Variants in PXDNL observed in about 807,000 individuals in gnomAD.
PXDNL encodes the protein peroxidasin like.
PXDNL carries 145 observed loss-of-function variants against 150.8 expected under a neutral mutation model. The observed-to-expected ratio is 0.96, with a 90% CI of 0.84 to 1.10. The LOEUF (loss-of-function observed/expected upper bound fraction) is 1.10, where lower values mean the gene tolerates loss of function less well. PXDNL is among the 50% of genes least tolerant of loss of function. The pLI is 0.00. For synonymous variants in PXDNL, 757 were observed against 725.7 expected, an observed-to-expected ratio of 1.04 and a Z score of -0.69; for missense variants, 2,087 against 1,873.9, an observed-to-expected ratio of 1.11 and a Z score of -2.10.
At chr8:51,389,499 A>G (rs948078260) in intron 17 of PXDNL, among the ~76,000 whole-genome samples, 1 of 152,174 alleles carries the variant, frequency 6.6e-6, no homozygotes, top group Non-Finnish European at 1.5e-5. Context: ...GGCTTTCTGC[A>G]GAGAACTCTG....
At chr8:51,521,101 G>A (rs75123857) in intron 4 of PXDNL, among the ~76,000 whole-genome samples, 2,888 of 152,152 alleles carry the variant, frequency 0.019, 85 homozygotes, top group African/African-American at 0.065. Flanking sequence ...ATATTAGCCA[G>A]GCATTGTATT....
At chr8:51,700,547 C>T (rs4873576) in intron 1 of PXDNL, among the ~76,000 whole-genome samples, 128,424 of 151,502 alleles carry the variant, frequency 0.85, 54,790 homozygotes, top group African/African-American at 0.95. Context: ...AATACACAAA[C>T]ATACATACAT....
chr8:51,475,506 G>A (rs952839622), intron 6 of PXDNL, among the ~76,000 whole-genome samples: 33 of 152,198 alleles, frequency 2.2e-4, no homozygotes, highest in Admixed American at 1.4e-3. Flanking sequence ...GCTCATGCCT[G>A]TAATTCAAGT....
intron 5 of PXDNL, among the ~76,000 whole-genome samples, chr8:51,498,293 A>AG (rs999042243): frequency 1.0e-5 from 1 of 97,756 alleles, no homozygotes; most frequent in African/African-American, 3.9e-5. Flanking sequence ...GGGTCGGGGG[A>AG]GGGGGGAGGG....
At chr8:51,429,616 C>T (rs1264579292) in intron 12 of PXDNL, among the ~76,000 whole-genome samples, 1 of 151,722 alleles carries the variant, frequency 6.6e-6, no homozygotes, top group African/African-American at 2.4e-5. Context: ...AAGCTAAGTC[C>T]TGTGGTAGTA....
chr8:51,480,207 C>T (rs944143757), intron 6 of PXDNL, among the ~76,000 whole-genome samples: 6 of 152,138 alleles, frequency 3.9e-5, no homozygotes, highest in African/African-American at 1.4e-4. Context: ...ACAAAAGTGG[C>T]CTCTGTATTA....
intron 17 of PXDNL, among the ~76,000 whole-genome samples, chr8:51,399,691 T>C (rs1808189771): frequency 6.6e-6 from 1 of 152,200 alleles, no homozygotes; most frequent in South Asian, 2.1e-4. Flanking sequence ...AGGCATCAAA[T>C]TGTACACTTA....
intron 1 of PXDNL, among the ~76,000 whole-genome samples, chr8:51,790,696 G>A (rs571997873): frequency 8.5e-6 from 1 of 117,742 alleles, no homozygotes; most frequent in East Asian, 2.5e-4. Context: ...GGCGGCGGAG[G>A]GCAGCGGGGG....
intron 10 of PXDNL, among the ~76,000 whole-genome samples, chr8:51,451,231 C>A (rs535376831): frequency 1.3e-5 from 2 of 152,042 alleles, no homozygotes; most frequent in African/African-American, 2.4e-5. Flanking sequence ...TTAAACTTCA[C>A]GTGTTCTCAC....
intron 17 of PXDNL, among the ~76,000 whole-genome samples, chr8:51,375,369 G>A (rs1317148763): frequency 6.6e-6 from 1 of 152,132 alleles, no homozygotes; most frequent in Non-Finnish European, 1.5e-5. Flanking sequence ...ATGTCCATAT[G>A]CTTGACACTC....
intron 21 of PXDNL, among the ~76,000 whole-genome samples, chr8:51,329,377 AAC>A (rs1805612845): frequency 6.6e-6 from 1 of 152,328 alleles, no homozygotes; most frequent in South Asian, 2.1e-4. Context: ...AGCTACAGGA[AAC>A]ACTAAACACA....
At chr8:51,778,652 A>C (rs2037381111) in intron 1 of PXDNL, among the ~76,000 whole-genome samples, 1 of 152,226 alleles carries the variant, frequency 6.6e-6, no homozygotes, top group Non-Finnish European at 1.5e-5. Context: ...AAATGACAGG[A>C]CTGGAAAGTG....
intron 17 of PXDNL, among the ~76,000 whole-genome samples, chr8:51,402,577 A>AAT (rs559618687): frequency 4.7e-4 from 72 of 152,310 alleles, no homozygotes; most frequent in Admixed American, 3.2e-3. Flanking sequence ...ATGAGTGACA[A>AAT]ATAAACTTAT....
At chr8:51,781,208 G>C (rs901193849) in intron 1 of PXDNL, among the ~76,000 whole-genome samples, 14 of 152,094 alleles carry the variant, frequency 9.2e-5, no homozygotes. Flanking sequence ...AAATCAGAAG[G>C]CTGTTTCCTT....
intron 9 of PXDNL, among the ~76,000 whole-genome samples, chr8:51,455,131 A>AAAAAAAAAAAAAAG (rs1188033805): frequency 8.7e-5 from 8 of 91,810 alleles, no homozygotes; most frequent in Non-Finnish European, 1.4e-4. Flanking sequence ...AAAAAAAAAA[A>AAAAAAAAAAAAAAG]AAGAGGTAAG....
chr8:51,335,872 A>G (rs1236799587), intron 21 of PXDNL, among the ~76,000 whole-genome samples: 1 of 152,184 alleles, frequency 6.6e-6, no homozygotes, highest in Non-Finnish European at 1.5e-5. Context: ...AACTACTTAC[A>G]CAAGAGCTAT....
chr8:51,470,859 T>G (rs971835039), intron 8 of PXDNL, among the ~76,000 whole-genome samples: 1 of 152,124 alleles, frequency 6.6e-6, no homozygotes, highest in East Asian at 1.9e-4. Context: ...GACTTCAATG[T>G]AAGACCTAAA....
intron 12 of PXDNL, among the ~76,000 whole-genome samples, chr8:51,438,092 G>A (rs1809449943): frequency 6.6e-6 from 1 of 152,054 alleles, no homozygotes; most frequent in South Asian, 2.1e-4. Flanking sequence ...AAACTACTTA[G>A]AAGTATACCT....
chr8:51,647,047 G>T (rs916348794), intron 2 of PXDNL, among the ~76,000 whole-genome samples: 1 of 152,070 alleles, frequency 6.6e-6, no homozygotes, highest in South Asian at 2.1e-4. Flanking sequence ...TATGCTCTTG[G>T]GTGTTTTCAC....
Sources: allele counts gnomAD v4.1 joint callset (sites outside exome capture counted in the v4.1 genomes callset), GRCh38; gene constraint gnomAD v4.1.1; transcripts MANE v1.5; gene names NCBI Gene and HGNC (gene_info 2026-07-23, HGNC 2026-07-21).